Variants in NTRK1 observed in about 807,000 individuals in gnomAD.
NTRK1 encodes the protein neurotrophic receptor tyrosine kinase 1, also known as high affinity nerve growth factor receptor.
Under a neutral mutation model 86.8 loss-of-function variants are expected in NTRK1, and 62 were observed. That is an observed-to-expected ratio of 0.71 (90% CI 0.58 to 0.88). The LOEUF is 0.88. NTRK1 is among the 40% of genes least tolerant of loss of function. NTRK1 has a pLI of 0.00. For synonymous variants in NTRK1, 469 were observed against 456.6 expected (o/e 1.03, Z -0.35); for missense variants, 967 against 1,078.4 (o/e 0.90, Z 1.45).
intron 2 of NTRK1, among the ~76,000 whole-genome samples, chr1:156,848,542 C>T (rs1655088926): frequency 6.6e-6 from 1 of 152,180 alleles, no homozygotes; most frequent in Non-Finnish European, 1.5e-5. Flanking sequence ...GAAATGCTGG[C>T]AGAGCTGCTC....
At chr1:156,845,364 C>T in intron 2 of NTRK1, 1 of 1,593,076 alleles carries the variant, frequency 6.3e-7, no homozygotes, top group South Asian at 1.1e-5. Context: ...TGCCCTAGTC[C>T]TGCTCACCTT....
intron 7 of NTRK1, among the ~76,000 whole-genome samples, chr1:156,872,460 C>T (rs1452011293): frequency 3.3e-5 from 5 of 151,980 alleles, no homozygotes; most frequent in South Asian, 2.1e-4. Flanking sequence ...AATCATACTG[C>T]GTGTATTATT....
intron 2 of NTRK1, chr1:156,844,227 G>A: frequency 3.7e-6 from 6 of 1,613,976 alleles, no homozygotes; most frequent in Non-Finnish European, 5.1e-6. Flanking sequence ...AGCAGCGTGA[G>A]CCCCACAGGG....
rs747592756 is a variant in NTRK1, at chr1:156,849,265, G to A, written c.50+7072G>A. On this transcript the variant is annotated intron_variant, in intron 2 of 16. Transcript: ENST00000392302. ...TCTCACAGGCGGCGCGGTCTCCGTT[G>A]GTGCGGGGGTTGATCTCAGCCTTGT... 2.5e-6 allele frequency: 4 copies of A among 1,613,940 alleles called. No homozygotes were observed. In the South Asian group the frequency reaches 3.3e-5, roughly 13 times the overall value.
chr1:156,876,635 C>T, intron 14 of NTRK1, 63 bp downstream of exon 14: 4 of 1,540,032 alleles, frequency 2.6e-6, no homozygotes, highest in Non-Finnish European at 2.6e-6. Context: ...CTTCCCTTCC[C>T]TATAGACATC....
At chr1:156,848,867 G>A (rs1233353472) in intron 2 of NTRK1, 5 of 1,532,718 alleles carry the variant, frequency 3.3e-6, no homozygotes, top group Non-Finnish European at 3.5e-6. Flanking sequence ...TGGTCCCGAA[G>A]AAATTGGCCT....
At chr1:156,816,043 A>G (rs1182852232) in intron 1 of NTRK1, 2 of 1,613,888 alleles carry the variant, frequency 1.2e-6, no homozygotes, top group Non-Finnish European at 1.7e-6. Flanking sequence ...CCTGCGGGTC[A>G]TGTCTGTGAT....
intron 16 of NTRK1, 120 bp from the exon 17 acceptor site, chr1:156,881,336 TA>T: frequency 2.2e-6 from 2 of 920,644 alleles, no homozygotes; most frequent in Non-Finnish European, 3.2e-6. Flanking sequence ...TATTAGCAGC[TA>T]AGAAGCCCAG....
intron 1 of NTRK1, among the ~76,000 whole-genome samples, chr1:156,863,111 CAGCCG>C (rs1196021782): frequency 3.0e-4 from 46 of 152,254 alleles, no homozygotes; most frequent in African/African-American, 1.1e-3. Flanking sequence ...CACTACAGGG[CAGCCG>C]AGTTCTCAGG....
intron 3 of NTRK1, among the ~76,000 whole-genome samples, chr1:156,865,918 G>T (rs1042241891): frequency 6.6e-6 from 1 of 152,222 alleles, no homozygotes; most frequent in Non-Finnish European, 1.5e-5. Context: ...TCATATCACC[G>T]TCTATGCACC....
At chr1:156,833,990 CTG>C (rs1191832529) in intron 1 of NTRK1, among the ~76,000 whole-genome samples, 6 of 152,216 alleles carry the variant, frequency 3.9e-5, no homozygotes, top group African/African-American at 1.4e-4. Context: ...GCAGATATCT[CTG>C]TGTTACTTAG....
intron 1 of NTRK1, among the ~76,000 whole-genome samples, chr1:156,817,069 C>CTCTCTG (rs1553256357): frequency 6.6e-6 from 1 of 151,704 alleles, no homozygotes; most frequent in Non-Finnish European, 1.5e-5. Flanking sequence ...CTCTCTCTCT[C>CTCTCTG]TCTCTCATCT....
intron 2 of NTRK1, chr1:156,842,335 G>T: frequency 2.5e-6 from 4 of 1,612,708 alleles, no homozygotes; most frequent in Non-Finnish European, 3.4e-6. Context: ...TCCAGAACTG[G>T]CCCCCACCTC....
At chr1:156,874,179 A>G (rs987278325) in intron 8 of NTRK1, 1 of 912,892 alleles carries the variant, frequency 1.1e-6, no homozygotes, top group South Asian at 1.5e-5. Context: ...GGCTGAGGAG[A>G]CAGCCATGCA....
intron 2 of NTRK1, chr1:156,845,880 G>C: frequency 6.3e-7 from 1 of 1,598,618 alleles, no homozygotes; most frequent in South Asian, 1.1e-5. Flanking sequence ...CCCCCCACCT[G>C]CCGGGGCCCT....
At position 156,861,048 on chromosome 1, in the gene NTRK1, T is replaced by A. The variant is rs932253343; in HGVS notation, c.114T>A (p.Asp38Glu). The change falls in exon 1 of 17, where the codon GAT becomes GAA. Residue 38 changes from aspartate (D) to glutamate (E), a missense_variant. By Grantham distance (45) the Asp-to-Glu change is conservative. This residue lies in a region of NTRK1 where 330 missense variants were observed against 302.0 expected (regional missense o/e 1.09). Transcript: ENST00000524377. ...CTGCGGGCGCCGCACCCTGCCCCGATGCCTGCTGCCCCCACGGCTCCTCGG... is the reference window on the plus strand; with the variant it reads ...CTGCGGGCGCCGCACCCTGCCCCGAAGCCTGCTGCCCCCACGGCTCCTCGG... ...LASAGAAPCP[D>E]ACCPHGSSGL... 6.4e-7 allele frequency: 1 copy of A among 1,558,308 alleles called. No homozygotes were observed. The highest frequency in any genetic ancestry group is 1.4e-5 in the African/African-American group (1 of 73,918).
In NTRK1 at chr1:156,881,462, C is replaced by A. The variant is rs1041189894; in HGVS notation, c.2211C>A (p.Ile737=). The A allele has an allele frequency of 6.4e-7, 1 of 1,567,046 alleles. No individual in the cohort carries two copies. Among genetic ancestry groups the A allele is most frequent in the East Asian group, 2.4e-5 (1 of 41,930 alleles). Residue 737 remains isoleucine (I), a synonymous_variant, in exon 17 of 17, where the codon ATC becomes ATA. Transcript: ENST00000524377. ...PWYQLSNTEA[I]DCITQGRELE... Reference sequence around the variant, plus strand: ...TGTCTCTCCGGTGGCCCCAGGCAATCGACTGCATCACGCAGGGACGTGAGT... The same window carrying A: ...TGTCTCTCCGGTGGCCCCAGGCAATAGACTGCATCACGCAGGGACGTGAGT...
At chr1:156,879,420 T>A (rs1648118396) in intron 15 of NTRK1, 58 bp downstream of exon 15, 1 of 1,556,482 alleles carries the variant, frequency 6.4e-7, no homozygotes, top group South Asian at 1.2e-5. Flanking sequence ...ACACCCTGGA[T>A]CCCAAGACCA....
At chr1:156,876,803 CA>C (rs1647952592) in intron 14 of NTRK1, among the ~76,000 whole-genome samples, 1 of 152,014 alleles carries the variant, frequency 6.6e-6, no homozygotes, top group African/African-American at 2.4e-5. Context: ...GTTGCGATGG[CA>C]AAGGCCGTGA....
Sources: gnomAD v4.1 joint callset for allele counts (sites outside exome capture counted in the v4.1 genomes callset) on GRCh38, gnomAD v4.1.1 for gene constraint, gnomAD v4.1.1 regional missense constraint, MANE v1.5 for transcripts, NCBI Gene and HGNC (gene_info 2026-07-23, HGNC 2026-07-21) for gene names.